PASD1: variants seen among roughly 807,000 people sequenced by gnomAD.
PASD1 encodes PAS domain containing repressor 1.
In PASD1, 13 loss-of-function variants were observed where a neutral mutation model predicts 58.8. That is an observed-to-expected ratio of 0.22 (90% CI 0.14 to 0.35). The LOEUF is 0.35. Ranked by LOEUF, PASD1 falls within the 10% of genes least tolerant of loss-of-function variation. PASD1 has a pLI of 1.00. For missense variants in PASD1, 734 were observed against 568.3 expected (o/e 1.29, Z -2.96); for synonymous variants, 236 against 216.7 (o/e 1.09, Z -0.78).
At chrX:151,639,540 C>T (rs751150959) in intron 8 of PASD1, among the ~76,000 whole-genome samples, 7 of 112,121 alleles carry the variant, frequency 6.2e-5, no homozygotes, top group Non-Finnish European at 9.4e-5. Context: ...TGTTTTTCCC[C>T]ACTATATTTT....
At chrX:151,659,915 G>A in intron 10 of PASD1, 79 bp downstream of exon 10, 1 of 1,000,176 alleles carries the variant, frequency 1.0e-6, no homozygotes, top group Non-Finnish European at 1.4e-6. Context: ...TTTTTCAAAT[G>A]AATATAATGC....
intron 11 of PASD1, among the ~76,000 whole-genome samples, chrX:151,669,176 GTATA>G (rs773707851): frequency 1.3e-4 from 13 of 101,435 alleles, no homozygotes; most frequent in South Asian, 4.4e-4. Context: ...ATGTGTGTGT[GTATA>G]TATATATATA....
chrX:151,651,031 A>G (rs1221859941), intron 9 of PASD1, among the ~76,000 whole-genome samples: 1 of 111,714 alleles, frequency 9.0e-6, no homozygotes, highest in Admixed American at 9.5e-5. Context: ...AGCTACTTGA[A>G]GTGGGGCTAG....
chrX:151,661,755 CTT>C (rs34934059), intron 10 of PASD1, among the ~76,000 whole-genome samples: 284 of 100,358 alleles, frequency 2.8e-3, no homozygotes, highest in Middle Eastern at 5.2e-3. Context: ...CTCATTCTTG[CTT>C]TTTTTTTTTT....
At chrX:151,639,236 A>G (rs2013969050) in intron 8 of PASD1, among the ~76,000 whole-genome samples, 1 of 112,200 alleles carries the variant, frequency 8.9e-6, no homozygotes, top group African/African-American at 3.2e-5. Context: ...TGGTTCCCCT[A>G]AGTTTATTTT....
chrX:151,644,570 A>G (rs1406080597), intron 8 of PASD1, among the ~76,000 whole-genome samples: 1 of 111,679 alleles, frequency 9.0e-6, no homozygotes, highest in Non-Finnish European at 1.9e-5. Context: ...CAAAAGAACA[A>G]TTGTAAAGCA....
chrX:151,595,519 C>T (rs1472179377), intron 1 of PASD1, among the ~76,000 whole-genome samples: 2 of 109,263 alleles, frequency 1.8e-5, no homozygotes, highest in African/African-American at 6.7e-5. Flanking sequence ...GAGATGGAGA[C>T]CATCCTGGCT....
At position 151,621,517 on chromosome X, in the gene PASD1, G is replaced by C. The variant is rs1277485298; in HGVS notation, c.343G>C (p.Gly115Arg). The change falls in exon 6 of 16, where the codon GGA (glycine) becomes CGA (arginine). Residue 115 changes from glycine to arginine, a missense_variant. Physicochemically the swap from Gly to Arg is moderately radical, Grantham distance 125. Transcript: ENST00000370357. Reference protein sequence around the residue: ...HIEFCCHLKRGNVEHGDSSAY... With the variant: ...HIEFCCHLKRRNVEHGDSSAY... ...TGAATTTTGCTGTCATTTAAAAAGA[G>C]GAAATGTCGAACATGGTGATAGTTC... 1 of 1,203,568 alleles carries C rather than the reference G, an allele frequency of 8.3e-7. No homozygotes were observed.
At chrX:151,564,488 T>C (rs1036049390) in intron 1 of PASD1, among the ~76,000 whole-genome samples, 5 of 110,967 alleles carry the variant, frequency 4.5e-5, no homozygotes, top group African/African-American at 1.3e-4. Context: ...TCAGGATGTG[T>C]ATTTGGGCAC....
intron 8 of PASD1, among the ~76,000 whole-genome samples, chrX:151,628,276 A>T (rs761002548): frequency 8.1e-5 from 9 of 111,585 alleles, no homozygotes; most frequent in African/African-American, 2.9e-4. Flanking sequence ...ATGAAGTCCT[A>T]GCCCATGCCT....
chrX:151,570,136 G>A lies in PASD1; in HGVS notation c.-28+6297G>A, dbSNP rs141272446. 3.4e-3 allele frequency among the ~76,000 whole-genome samples: 382 copies of A among 111,226 alleles called. 1 individual carries two copies. The highest frequency in any genetic ancestry group is 0.012 in the African/African-American group (354 of 30,651). On this transcript the variant is annotated intron_variant, in intron 1 of 15. Coordinates refer to ENST00000370357, the MANE Select transcript of PASD1 (RefSeq NM_173493.3). ...AGGGTAGGATTCAGGAGAACTGGGGGTTAGGCTGGGGATTACTTGAAGATA... is the reference window on the plus strand; with the variant it reads ...AGGGTAGGATTCAGGAGAACTGGGGATTAGGCTGGGGATTACTTGAAGATA...
intron 10 of PASD1, among the ~76,000 whole-genome samples, chrX:151,660,705 T>C (rs2014298411): frequency 8.9e-6 from 1 of 112,678 alleles, no homozygotes; most frequent in Admixed American, 9.4e-5. Context: ...GAAATCCTTA[T>C]AACCTTCCAC....
chrX:151,621,999 G>A (rs917241203), intron 6 of PASD1, among the ~76,000 whole-genome samples: 6 of 109,118 alleles, frequency 5.5e-5, no homozygotes, highest in African/African-American at 2.0e-4. Context: ...CATTGGCTGG[G>A]GTCGGGAATT....
intron 11 of PASD1, among the ~76,000 whole-genome samples, chrX:151,669,907 T>G (rs1240448853): frequency 1.8e-5 from 2 of 111,967 alleles, no homozygotes; most frequent in Non-Finnish European, 3.8e-5. Flanking sequence ...TGGTGTATAC[T>G]CAGCAGTGGG....
chrX:151,568,695 T>G (rs1237266250), intron 1 of PASD1, among the ~76,000 whole-genome samples: 1 of 112,102 alleles, frequency 8.9e-6, no homozygotes, highest in Non-Finnish European at 1.9e-5. Flanking sequence ...TACTGATATT[T>G]AGGGAAAGGA....
intron 6 of PASD1, among the ~76,000 whole-genome samples, chrX:151,622,706 C>T (rs931675565): frequency 3.6e-5 from 4 of 110,222 alleles, no homozygotes; most frequent in African/African-American, 1.3e-4. Context: ...AGGGTAATAA[C>T]GGAAGACTGA....
Position 151,623,033 on chromosome X carries a change from A to G in PASD1, c.515A>G (p.Asn172Ser). The change falls in exon 7 of 16, where the codon AAT (asparagine) becomes AGT (serine). Residue 172 changes from asparagine to serine, a missense_variant. Asn to Ser is a conservative substitution (Grantham distance 46, BLOSUM62 1). Coordinates refer to ENST00000370357, the MANE Select transcript of PASD1 (RefSeq NM_173493.3). The part of the protein sequence containing the change: ...PQEDRLYLVG[N>S]VCILRTQLLQ... The stretch of plus-strand genomic sequence containing the variant: ...GAGGATCGGCTTTATCTTGTGGGAA[A>G]TGTTTGCATTCTCAGGACTCAGCTC... The G allele has an allele frequency of 8.3e-7, 1 of 1,209,226 alleles. No individual in the cohort carries two copies. Among genetic ancestry groups the G allele is most frequent in the Non-Finnish European group, 1.1e-6 (1 of 893,948 alleles).
Position 151,614,757 on chromosome X carries a change from G to C in PASD1, c.207+3004G>C, listed in dbSNP as rs564651498. ...TTATCTTGTAGTTAGGTTGGAAGTG[G>C]ATTAAAAATATGTCACTATTTTAGC... On this transcript the variant is annotated intron_variant, in intron 4 of 15. Coordinates refer to ENST00000370357, the MANE Select transcript of PASD1 (RefSeq NM_173493.3). 8.6e-3 allele frequency among the ~76,000 whole-genome samples: 966 copies of C among 111,915 alleles called. 3 individuals carry two copies. The highest frequency in any genetic ancestry group is 0.013 in the Non-Finnish European group (700 of 53,211).
At chrX:151,575,796 C>A (rs2012995823) in intron 1 of PASD1, among the ~76,000 whole-genome samples, 1 of 110,395 alleles carries the variant, frequency 9.1e-6, no homozygotes, top group African/African-American at 3.3e-5. Context: ...CAGTGAATAG[C>A]TGGGACTACA....
Sources: gnomAD v4.1 joint callset for allele counts (sites outside exome capture counted in the v4.1 genomes callset) on GRCh38, gnomAD v4.1.1 for gene constraint, MANE v1.5 for transcripts, NCBI Gene and HGNC (gene_info 2026-07-23, HGNC 2026-07-21) for gene names.